Variants in ADAMTSL2 observed in about 807,000 individuals in gnomAD.
The protein encoded by ADAMTSL2 is ADAMTS like 2.
In ADAMTSL2, 55 loss-of-function variants were observed where a neutral mutation model predicts 117.0. The observed-to-expected ratio is 0.47, with a 90% CI of 0.38 to 0.59. ADAMTSL2 has a LOEUF of 0.59. ADAMTSL2 is among the 20% of genes least tolerant of loss of function. The pLI is 0.00. For synonymous variants in ADAMTSL2, 572 were observed against 566.4 expected, an observed-to-expected ratio of 1.01 and a Z score of -0.14; for missense variants, 1,182 against 1,354.5, an observed-to-expected ratio of 0.87 and a Z score of 2.00.
intron 4 of ADAMTSL2, among the ~76,000 whole-genome samples, chr9:133,539,285 C>T (rs183100044): frequency 4.7e-4 from 72 of 152,290 alleles, no homozygotes; most frequent in South Asian, 2.5e-3. Context: ...GGGTCCCCTC[C>T]GAGGATGAGT....
intron 15 of ADAMTSL2, 128 bp from the exon 16 acceptor site, chr9:133,569,280 G>C: frequency 2.4e-6 from 2 of 845,118 alleles, no homozygotes; most frequent in Middle Eastern, 2.8e-4. Context: ...TATTTAAAAA[G>C]TGGTTACCAT....
intron 15 of ADAMTSL2, 102 bp from the exon 16 acceptor site, chr9:133,569,306 A>C (rs968756834): frequency 1.8e-5 from 23 of 1,253,010 alleles, no homozygotes; most frequent in Non-Finnish European, 2.6e-5. Flanking sequence ...CCGCTTCGAC[A>C]CTGCCTGGGA....
Position 133,554,607 on chromosome 9 carries a change from C to T in ADAMTSL2, c.1190C>T (p.Pro397Leu). The T allele has an allele frequency of 6.5e-7, 1 of 1,547,286 alleles. No individual in the cohort carries two copies. Among genetic ancestry groups the T allele is most frequent in the Non-Finnish European group, 8.7e-7 (1 of 1,146,236 alleles). ...CCGGGCCTGGACATGGAGCTGGGCCCCAGCCAGGGCCAGGAGACCAACGAG... is the reference window on the plus strand; with the variant it reads ...CCGGGCCTGGACATGGAGCTGGGCCTCAGCCAGGGCCAGGAGACCAACGAG... The part of the protein sequence containing the change: ...GHPGLDMELG[P>L]SQGQETNEVC... Residue 397 changes from proline to leucine, a missense_variant, in exon 10 of 19, where the codon CCC becomes CTC. Around this residue, in one of 3 missense-constraint regions of ADAMTSL2, gnomAD observed 345 missense variants for 325.8 expected, o/e 1.06. Transcript: ENST00000651351. This position sits in a 1 kb window ranked among gnomAD's most constrained non-coding sequence, Gnocchi z 5.2.
Position 133,534,806 on chromosome 9 carries a change from C to A in ADAMTSL2, c.-262C>A. 6.7e-7 allele frequency: 1 copy of A among 1,488,868 alleles called. No homozygotes were observed. The highest frequency in any genetic ancestry group is 9.0e-7 in the Non-Finnish European group (1 of 1,114,350). 92.2% of individuals were successfully genotyped at this position (1,488,868 alleles called of 1,614,324 possible). ...AGGGGAAGGGGAGAGGGAGGCCGGGCCGCAGCCTCTGCACTCACGCCGCCC... is the reference window on the plus strand; with the variant it reads ...AGGGGAAGGGGAGAGGGAGGCCGGGACGCAGCCTCTGCACTCACGCCGCCC... On this transcript the variant is annotated 5_prime_UTR_variant, in exon 1 of 19. Coordinates refer to ENST00000651351, the MANE Select transcript of ADAMTSL2 (RefSeq NM_014694.4).
In ADAMTSL2 at chr9:133,557,782, G is replaced by C. The variant is rs1463986423; in HGVS notation, c.1649+1852G>C. On this transcript the variant is annotated intron_variant, in intron 11 of 18. Coordinates refer to ENST00000651351, the MANE Select transcript of ADAMTSL2 (RefSeq NM_014694.4). The surrounding 1 kb of genome is among the most constrained non-coding windows in gnomAD (Gnocchi z 5.2). ...GGCAGCAGTGGGGGGTGCCTTTCAG[G>C]ACCCACTGCCTGGGTCAGGGAGGCC... Among the ~76,000 whole-genome samples the C allele has an allele frequency of 6.6e-6, 1 of 152,168 alleles. No homozygotes were observed. The highest frequency in any genetic ancestry group is 1.5e-5 in the Non-Finnish European group (1 of 68,038).
intron 9 of ADAMTSL2, among the ~76,000 whole-genome samples, chr9:133,551,741 C>T (rs1380537505): frequency 6.8e-6 from 1 of 146,626 alleles, no homozygotes; most frequent in Non-Finnish European, 1.5e-5. Flanking sequence ...GCCCATGTGG[C>T]GGGCTGCTTG....
chr9:133,568,238 G>T (rs1038828769), intron 13 of ADAMTSL2, 35 bp from the exon 14 acceptor site: 191 of 1,543,174 alleles, frequency 1.2e-4, no homozygotes, highest in Middle Eastern at 3.7e-4. Flanking sequence ...GCTGCCATGG[G>T]GGGGATCATT....
In ADAMTSL2 at chr9:133,547,182, AG is replaced by A; in HGVS notation, c.912del (p.Thr306ProfsTer5). 3.7e-6 allele frequency: 6 copies of A among 1,614,010 alleles called. No homozygotes were observed. Among genetic ancestry groups the A allele is most frequent in the Non-Finnish European group, 5.1e-6 (6 of 1,179,932 alleles). ...YETGIEYIVA[Q>X]GPTNQGLNVM... ...ACCGGAATCGAGTACATCGTGGCAC[AG>A]GGGCCCACCAACCAGGGCCTGAATG... On this transcript the variant is annotated frameshift_variant, in exon 9 of 19. Coordinates refer to ENST00000651351, the MANE Select transcript of ADAMTSL2 (RefSeq NM_014694.4). LOFTEE classifies it high-confidence loss of function.
chr9:133,539,065 G>T (rs1056691758), intron 4 of ADAMTSL2, among the ~76,000 whole-genome samples: 1 of 152,200 alleles, frequency 6.6e-6, no homozygotes, highest in Non-Finnish European at 1.5e-5. Flanking sequence ...GAGCAGCTGG[G>T]GGTCTCTGTG....
intron 10 of ADAMTSL2, among the ~76,000 whole-genome samples, chr9:133,555,013 CTCGCTCACCCCA>C (rs1295195751): frequency 6.6e-6 from 1 of 152,086 alleles, no homozygotes; most frequent in Non-Finnish European, 1.5e-5. Flanking sequence ...GGTCTGATCT[CTCGCTCACCCCA>C]TCGCTCACTC....
intron 9 of ADAMTSL2, among the ~76,000 whole-genome samples, chr9:133,551,438 T>C (rs1047238333): frequency 6.6e-6 from 1 of 152,174 alleles, no homozygotes; most frequent in Admixed American, 6.5e-5. Flanking sequence ...GGTGTAACAC[T>C]TCCACCTTAC....
At chr9:133,548,782 A>ATG (rs1564499976) in intron 9 of ADAMTSL2, among the ~76,000 whole-genome samples, 1 of 151,806 alleles carries the variant, frequency 6.6e-6, no homozygotes, top group Non-Finnish European at 1.5e-5. Flanking sequence ...ACTGTTGCGC[A>ATG]CCCACCCCAG....
intron 15 of ADAMTSL2, 111 bp from the exon 16 acceptor site, chr9:133,569,297 C>G (rs1314992044): frequency 7.2e-6 from 8 of 1,106,426 alleles, no homozygotes; most frequent in Non-Finnish European, 1.1e-5. Flanking sequence ...CCATGGCAAC[C>G]GCTTCGACAC....
At chr9:133,532,686 G>A (rs1355400748), upstream of ADAMTSL2, 5 of 152,216 alleles carry the variant, frequency 3.3e-5, no homozygotes, top group Non-Finnish European at 7.3e-5. Context: ...TCTCTAAGGG[G>A]TAAGGAGCCC....
chr9:133,548,341 C>T (rs1486507071), intron 9 of ADAMTSL2, among the ~76,000 whole-genome samples: 1 of 152,192 alleles, frequency 6.6e-6, no homozygotes, highest in Non-Finnish European at 1.5e-5. Context: ...TCCTGGTGAC[C>T]CCGGAATCAA....
chr9:133,568,825 G>A (rs1180246724), intron 15 of ADAMTSL2, 67 bp downstream of exon 15: 2 of 1,603,844 alleles, frequency 1.2e-6, no homozygotes, highest in Non-Finnish European at 1.7e-6. Flanking sequence ...TTGCCTTGAT[G>A]TGCCTCAGTT....
intron 11 of ADAMTSL2, 30 bp from the exon 12 acceptor site, chr9:133,561,168 A>G: frequency 1.9e-6 from 3 of 1,575,764 alleles, no homozygotes; most frequent in South Asian, 1.2e-5. Flanking sequence ...GGAGCGTCTC[A>G]TCACCTTCCC....
chr9:133,550,345 T>C (rs1218955642), intron 9 of ADAMTSL2, among the ~76,000 whole-genome samples: 1 of 152,220 alleles, frequency 6.6e-6, no homozygotes, highest in Non-Finnish European at 1.5e-5. Context: ...CCCCGCTCCA[T>C]TGCTCCATCA....
In ADAMTSL2 at chr9:133,558,292, A is replaced by AG. The variant is rs1247021457; in HGVS notation, c.1649+2365dup. Among the ~76,000 whole-genome samples the AG allele has an allele frequency of 3.9e-5, 6 of 152,340 alleles. No individual in the cohort carries two copies. Among genetic ancestry groups the AG allele is most frequent in the African/African-American group, 1.4e-4 (6 of 41,576 alleles). ...GATGGTGTGGAGAGATAAAGGGCAGAGGGAGGCGGCGGGGGAAACCACCAG... is the reference window on the plus strand; with the variant it reads ...GATGGTGTGGAGAGATAAAGGGCAGAGGGGAGGCGGCGGGGGAAACCACCAG... On this transcript the variant is annotated intron_variant, in intron 11 of 18. Coordinates refer to ENST00000651351, the MANE Select transcript of ADAMTSL2 (RefSeq NM_014694.4). This position sits in a 1 kb window ranked among gnomAD's most constrained non-coding sequence, Gnocchi z 4.3.
Sources: gnomAD v4.1 joint callset for allele counts (sites outside exome capture counted in the v4.1 genomes callset) on GRCh38, gnomAD v4.1.1 for gene constraint, gnomAD v4.1.1 regional missense constraint, Gnocchi (gnomAD v3.1) non-coding constraint, MANE v1.5 for transcripts, NCBI Gene and HGNC (gene_info 2026-07-23, HGNC 2026-07-21) for gene names.